Variants in PCDHGA7 observed in about 807,000 individuals in gnomAD.
PCDHGA7 encodes the protein protocadherin gamma subfamily A, 7, also known as protocadherin gamma-A7.
A neutral mutation model predicts 58.3 loss-of-function variants in PCDHGA7; 44 were observed. That is an observed-to-expected ratio of 0.75 (90% CI 0.59 to 0.97). The LOEUF is 0.97. Ranked by LOEUF, PCDHGA7 falls within the 50% of genes least tolerant of loss-of-function variation. PCDHGA7 has a pLI of 0.00. For synonymous variants in PCDHGA7, 516 were observed against 504.2 expected (o/e 1.02, Z -0.31); for missense variants, 1,266 against 1,188.7 (o/e 1.06, Z -0.96).
chr5:141,388,170 T>C (rs756859307), intron 1 of PCDHGA7: 9 of 1,495,754 alleles, frequency 6.0e-6, no homozygotes, highest in Non-Finnish European at 8.3e-6. Flanking sequence ...GGAGGAGATA[T>C]GCGGGAAGAA....
At position 141,490,982 on chromosome 5, in the gene PCDHGA7, G is replaced by T; in HGVS notation, c.2425-3825G>T. ...CACTCAGCCCCCCAGCGTCTCCCTC[G>T]CTCTGCTCCTCCTGGCTCCTTGGTC... On this transcript the variant is annotated intron_variant, in intron 1 of 3. Coordinates refer to ENST00000518325, the MANE Select transcript of PCDHGA7 (RefSeq NM_018920.4). This position sits in a 1 kb window ranked among gnomAD's most constrained non-coding sequence, Gnocchi z 5.4. 1.2e-6 allele frequency: 2 copies of T among 1,613,994 alleles called. No individual in the cohort carries two copies. The highest frequency in any genetic ancestry group is 1.7e-6 in the Non-Finnish European group (2 of 1,180,002).
intron 1 of PCDHGA7, chr5:141,428,659 G>A: frequency 6.1e-6 from 1 of 164,982 alleles, no homozygotes; most frequent in East Asian, 1.8e-4. Context: ...GAGTTCCAAT[G>A]AATGTCTTTC....
chr5:141,478,857 C>A, intron 1 of PCDHGA7: 1 of 1,353,600 alleles, frequency 7.4e-7, no homozygotes, highest in Non-Finnish European at 9.8e-7. Context: ...AACACAAGAT[C>A]TCAGCGATCA....
intron 1 of PCDHGA7, chr5:141,409,960 C>G: frequency 6.2e-7 from 1 of 1,613,416 alleles, no homozygotes; most frequent in Non-Finnish European, 8.5e-7. Flanking sequence ...AGCCCGGCTA[C>G]CTAGTGACTA....
chr5:141,462,552 T>G (rs966816379), intron 1 of PCDHGA7, among the ~76,000 whole-genome samples: 4 of 152,194 alleles, frequency 2.6e-5, no homozygotes, highest in African/African-American at 9.6e-5. Context: ...TCTTCTTCAG[T>G]GTTTACTGTA....
Position 141,511,656 on chromosome 5 carries a change from C to T in PCDHGA7, c.*483C>T, listed in dbSNP as rs2099883892. On this transcript the variant is annotated 3_prime_UTR_variant, in exon 4 of 4. Transcript: ENST00000518325. ...GGGCATCATGACCTCTTGGCCTCTC[C>T]TTTGATTCTCAATCTTCCCCCAAAG... is the stretch of plus-strand genomic sequence containing the variant. 4.9e-6 allele frequency: 1 copy of T among 206,024 alleles called. No individual in the cohort carries two copies. The highest frequency in any genetic ancestry group is 5.2e-5 in the Admixed American group (1 of 19,114). 12.8% of individuals were successfully genotyped at this position (206,024 alleles called of 1,614,324 possible).
intron 1 of PCDHGA7, chr5:141,409,246 C>A (rs771759898): frequency 1.2e-6 from 2 of 1,614,032 alleles, no homozygotes; most frequent in Admixed American, 3.3e-5. Context: ...CAGAAATAAT[C>A]ATCACTTCTC....
At chr5:141,408,885 T>G in intron 1 of PCDHGA7, 1 of 1,613,020 alleles carries the variant, frequency 6.2e-7, no homozygotes, top group Middle Eastern at 1.6e-4. Context: ...ACCGCTCACA[T>G]AGAAATTTCT....
intron 1 of PCDHGA7, chr5:141,415,006 C>T (rs1353721901): frequency 1.2e-6 from 2 of 1,613,652 alleles, no homozygotes; most frequent in Non-Finnish European, 8.5e-7. Flanking sequence ...GCTGTCCTAC[C>T]GTCTGCTCAA....
Position 141,511,207 on chromosome 5 carries a change from T to A in PCDHGA7, c.*34T>A, listed in dbSNP as rs773761839. ...CCAGGCCAAGAGCCACAGGGCGGCC[T>A]CTCCCCAACCAGCCCAGCTTCTCCT... On this transcript the variant is annotated 3_prime_UTR_variant, in exon 4 of 4. Transcript: ENST00000518325. 1 of 1,611,162 alleles carries A rather than the reference T, an allele frequency of 6.2e-7. No individual in the cohort carries two copies. The highest frequency in any genetic ancestry group is 1.1e-5 in the South Asian group (1 of 90,702).
At chr5:141,464,870 C>G (rs1488189681) in intron 1 of PCDHGA7, among the ~76,000 whole-genome samples, 1 of 152,126 alleles carries the variant, frequency 6.6e-6, no homozygotes, top group Non-Finnish European at 1.5e-5. Flanking sequence ...TCCCAAGTAG[C>G]TAGGACTACA....
intron 1 of PCDHGA7, chr5:141,415,463 T>G: frequency 6.2e-7 from 1 of 1,614,228 alleles, no homozygotes; most frequent in South Asian, 1.1e-5. Flanking sequence ...GAGGTCTCTC[T>G]CACCGCGGAC....
At chr5:141,419,259 CG>C in intron 1 of PCDHGA7, 1 of 1,614,016 alleles carries the variant, frequency 6.2e-7, no homozygotes, top group Non-Finnish European at 8.5e-7. Context: ...AACAACCAGC[CG>C]GGTGCCTCCA....
At chr5:141,414,137 T>C in intron 1 of PCDHGA7, 1 of 1,595,618 alleles carries the variant, frequency 6.3e-7, no homozygotes, top group South Asian at 1.1e-5. Context: ...TTCTATGAAA[T>C]AGAAATACAA....
At chr5:141,473,858 C>G (rs569473917) in intron 1 of PCDHGA7, among the ~76,000 whole-genome samples, 1 of 152,286 alleles carries the variant, frequency 6.6e-6, no homozygotes, top group Admixed American at 6.5e-5. Flanking sequence ...ATGAACCTCG[C>G]TATTGTGGAG....
At chr5:141,481,722 G>A (rs546676646) in intron 1 of PCDHGA7, among the ~76,000 whole-genome samples, 1 of 152,214 alleles carries the variant, frequency 6.6e-6, no homozygotes, top group African/African-American at 2.4e-5. Flanking sequence ...GGGAGGCGGA[G>A]GCGGGCGGAT....
intron 1 of PCDHGA7, among the ~76,000 whole-genome samples, chr5:141,460,050 C>T (rs1477206197): frequency 6.6e-6 from 1 of 152,064 alleles, no homozygotes; most frequent in Non-Finnish European, 1.5e-5. Context: ...TGCACTCCAG[C>T]CTGGGCAACA....
intron 3 of PCDHGA7, 149 bp downstream of exon 3, chr5:141,505,630 A>G (rs558394591): frequency 4.7e-5 from 69 of 1,480,262 alleles, no homozygotes; most frequent in Admixed American, 2.2e-5. Flanking sequence ...AATTCCAAAC[A>G]TAAAGCCTGG....
rs2090285300 is a variant in PCDHGA7 at position 141,385,561 on chromosome 5, TC to T, written c.2424+240del. On this transcript the variant is annotated intron_variant, in intron 1 of 3. Coordinates refer to ENST00000518325, the MANE Select transcript of PCDHGA7 (RefSeq NM_018920.4). ...ATGTGGACTATCACATTTTATAATT[TC>T]CACCTACTTTCCAATCTATGTTCCA... The T allele has an allele frequency of 1.2e-5, 16 of 1,309,040 alleles. No homozygotes were observed. In the South Asian group the frequency reaches 3.4e-4, roughly 28 times the overall value. 81.1% of individuals were successfully genotyped at this position (1,309,040 alleles called of 1,614,324 possible).
Sources: allele counts gnomAD v4.1 joint callset (sites outside exome capture counted in the v4.1 genomes callset), GRCh38; gene constraint gnomAD v4.1.1; non-coding constraint Gnocchi (gnomAD v3.1); transcripts MANE v1.5; gene names NCBI Gene and HGNC (gene_info 2026-07-23, HGNC 2026-07-21).